The following KLF12 variants were observed in gnomAD, a reference collection of about 807,000 sequenced individuals.
KLF12 encodes KLF transcription factor 12, also known as Krueppel-like factor 12.
KLF12 carries 9 observed loss-of-function variants against 37.8 expected under a neutral mutation model. The ratio of observed to expected loss-of-function variants is 0.24; its 90% CI spans 0.14 to 0.42. KLF12 has a LOEUF of 0.42. Ranked by LOEUF, KLF12 falls within the 10% of genes least tolerant of loss-of-function variation. The probability of loss-of-function intolerance (pLI) is 1.00; values close to 1 mark genes in which losing one functional copy is unlikely to be tolerated. For missense variants in KLF12, 411 were observed against 516.0 expected (o/e 0.80, Z 1.97); for synonymous variants, 208 against 202.1 (o/e 1.03, Z -0.25).
At chr13:73,963,713 C>T (rs909102566) in intron 2 of KLF12, among the ~76,000 whole-genome samples, 2 of 152,114 alleles carry the variant, frequency 1.3e-5, no homozygotes, top group Non-Finnish European at 2.9e-5. Context: ...ATTTTCAATA[C>T]TAACTTCAGA....
chr13:74,149,894 TCGGGGACTCTGCCC>T, the KLF12 span, among the ~76,000 whole-genome samples: 3 of 152,220 alleles, frequency 2.0e-5, no homozygotes, highest in East Asian at 5.8e-4. Context: ...TCCATCTGCC[TCGGGGACTCTGCCC>T]CTAGATATGT....
At chr13:74,140,843 G>A in the KLF12 span, among the ~76,000 whole-genome samples, 24 of 152,182 alleles carry the variant, frequency 1.6e-4, no homozygotes, top group Non-Finnish European at 8.8e-5. Context: ...CACGAGATCA[G>A]GAGATCGAGA....
the KLF12 span, among the ~76,000 whole-genome samples, chr13:74,214,819 G>A: frequency 1.3e-5 from 2 of 151,322 alleles, no homozygotes; most frequent in African/African-American, 4.9e-5. Flanking sequence ...TTTTGAGATG[G>A]AGTCTCACTC....
chr13:73,882,300 C>T (rs1041888565), intron 3 of KLF12, among the ~76,000 whole-genome samples: 22 of 152,200 alleles, frequency 1.4e-4, no homozygotes, highest in African/African-American at 5.1e-4. Context: ...ACTGCATCTT[C>T]CTAAATCATT....
intron 1 of KLF12, among the ~76,000 whole-genome samples, chr13:74,105,563 T>A (rs903628783): frequency 2.6e-5 from 4 of 151,792 alleles, no homozygotes; most frequent in African/African-American, 9.7e-5. Context: ...CATAGACGGG[T>A]AGAGAAGAGG....
chr13:73,962,779 T>C (rs1214717259), intron 2 of KLF12, among the ~76,000 whole-genome samples: 2 of 152,206 alleles, frequency 1.3e-5, no homozygotes, highest in Non-Finnish European at 2.9e-5. Flanking sequence ...GACAATTCGA[T>C]AATGCATTTC....
chr13:73,966,145 C>A (rs1004482278), intron 2 of KLF12, among the ~76,000 whole-genome samples: 4 of 152,128 alleles, frequency 2.6e-5, no homozygotes, highest in Admixed American at 6.5e-5. Context: ...TAAGTTATCA[C>A]AGAAACATAA....
At chr13:73,897,634 CTATT>C (rs1193466748) in intron 3 of KLF12, among the ~76,000 whole-genome samples, 1 of 152,186 alleles carries the variant, frequency 6.6e-6, no homozygotes, top group Non-Finnish European at 1.5e-5. Flanking sequence ...TCTAATTTAT[CTATT>C]TCTCTTCACA....
intron 1 of KLF12, among the ~76,000 whole-genome samples, chr13:74,001,234 G>C (rs777843759): frequency 6.6e-6 from 1 of 152,290 alleles, no homozygotes; most frequent in East Asian, 1.9e-4. Flanking sequence ...TTGGGGTTTT[G>C]AGAGGCTGGT....
chr13:74,080,497 C>T (rs866550940), intron 1 of KLF12, among the ~76,000 whole-genome samples: 4 of 150,032 alleles, frequency 2.7e-5, no homozygotes, highest in Non-Finnish European at 4.4e-5. Flanking sequence ...TTTAACTGTA[C>T]GTTTAAAAAT....
chr13:73,817,471 A>G (rs186659877), intron 4 of KLF12, among the ~76,000 whole-genome samples: 16 of 152,254 alleles, frequency 1.1e-4, no homozygotes, highest in Admixed American at 9.8e-4. Flanking sequence ...CCTTCTAGAG[A>G]TTTCCTAGCA....
At chr13:74,142,997 T>A in the KLF12 span, among the ~76,000 whole-genome samples, 1 of 151,024 alleles carries the variant, frequency 6.6e-6, no homozygotes, top group African/African-American at 2.4e-5. Flanking sequence ...CTTCCTTCCT[T>A]CTTTCCTTCC....
intron 1 of KLF12, among the ~76,000 whole-genome samples, chr13:74,086,603 G>T (rs1046161892): frequency 6.6e-6 from 1 of 152,004 alleles, no homozygotes; most frequent in African/African-American, 2.4e-5. Flanking sequence ...TTGTTTAAAG[G>T]CTTAAAACTA....
intron 3 of KLF12, among the ~76,000 whole-genome samples, chr13:73,936,954 G>A (rs1376213213): frequency 1.3e-5 from 2 of 152,280 alleles, no homozygotes; most frequent in East Asian, 3.9e-4. Flanking sequence ...CCCTTTGGGA[G>A]GCAAAGGCAG....
rs148075113 is a variant in KLF12 at position 73,719,584 on chromosome 13, C to A, written c.870-4059G>T. On this transcript the variant is annotated intron_variant, in intron 6 of 7. Coordinates refer to ENST00000377669, the MANE Select transcript of KLF12 (RefSeq NM_007249.5). ...GACAATGGGCACTCAATTCCACACT[C>A]CTACGCCCATTTCCCCGAGTTGCTT... 1.5e-4 allele frequency among the ~76,000 whole-genome samples: 23 copies of A among 152,016 alleles called. No homozygotes were observed. The East Asian group carries it at 4.2e-3, about 28-fold the overall frequency.
At chr13:73,769,615 G>A (rs112000709) in intron 5 of KLF12, among the ~76,000 whole-genome samples, 1,839 of 152,120 alleles carry the variant, frequency 0.012, 20 homozygotes, top group Non-Finnish European at 0.021. Flanking sequence ...ACATCATCAC[G>A]ACTCCCAAAT....
chr13:73,772,152 GTCTA>G (rs67144403), intron 5 of KLF12, among the ~76,000 whole-genome samples: 82,315 of 151,528 alleles, frequency 0.54, 23,538 homozygotes, highest in Middle Eastern at 0.66. Context: ...TATACAACCT[GTCTA>G]TCTTTTACTT....
chr13:73,913,293 G>A (rs1189028721), intron 3 of KLF12, among the ~76,000 whole-genome samples: 1 of 152,146 alleles, frequency 6.6e-6, no homozygotes, highest in Non-Finnish European at 1.5e-5. Context: ...GTCATTTTAG[G>A]GTTTCCTTCC....
chr13:73,694,381 C>T lies in KLF12; in HGVS notation c.*1109G>A, dbSNP rs1165507987. ...CAGTGCTGTAAATGGAACCAAGACACCTAAAATGCTGGGGTGTTTTTTACA... is the reference window on the plus strand; with the variant it reads ...CAGTGCTGTAAATGGAACCAAGACATCTAAAATGCTGGGGTGTTTTTTACA... On this transcript the variant is annotated 3_prime_UTR_variant, in exon 8 of 8. Transcript: ENST00000377669. 6 of 152,600 alleles carry T rather than the reference C, an allele frequency of 3.9e-5. No individual in the cohort carries two copies. The highest frequency in any genetic ancestry group is 3.9e-4 in the Admixed American group (6 of 15,272). The allele number at this position is 152,600 out of a possible 1,614,324, so 9.5% of individuals were successfully genotyped here.
Sources: allele counts gnomAD v4.1 joint callset (sites outside exome capture counted in the v4.1 genomes callset), GRCh38; gene constraint gnomAD v4.1.1; transcripts MANE v1.5; gene names NCBI Gene and HGNC (gene_info 2026-07-23, HGNC 2026-07-21).